The following MEGF10 variants were observed in gnomAD, a reference collection of about 807,000 sequenced individuals.
MEGF10 encodes multiple EGF like domains 10.
Under a neutral mutation model 147.5 loss-of-function variants are expected in MEGF10, and 86 were observed. The ratio of observed to expected loss-of-function variants is 0.58; its 90% CI spans 0.49 to 0.70. The LOEUF is 0.70. Among genes scored for constraint, MEGF10 ranks in the 30% least tolerant of loss-of-function variants. The pLI, the probability that MEGF10 is intolerant of heterozygous loss-of-function variation, is 0.00. For synonymous variants in MEGF10, 478 were observed against 525.5 expected, an observed-to-expected ratio of 0.91 and a Z score of 1.24; for missense variants, 1,329 against 1,487.3, an observed-to-expected ratio of 0.89 and a Z score of 1.75.
At chr5:127,300,321 A>G (rs1759711652) in intron 1 of MEGF10, among the ~76,000 whole-genome samples, 1 of 152,214 alleles carries the variant, frequency 6.6e-6, no homozygotes, top group Non-Finnish European at 1.5e-5. Context: ...ATACTGTGCT[A>G]TCCTTGAAGT....
intron 17 of MEGF10, 49 bp downstream of exon 17, chr5:127,438,616 A>G (rs756490774): frequency 5.0e-6 from 8 of 1,604,072 alleles, no homozygotes; most frequent in Non-Finnish European, 6.8e-6. Flanking sequence ...TTGTCCAAGG[A>G]GGAAACAGCC....
the MEGF10 span, among the ~76,000 whole-genome samples, chr5:127,231,457 C>T: frequency 6.6e-6 from 1 of 152,208 alleles, no homozygotes; most frequent in African/African-American, 2.4e-5. Context: ...TCCATCAGGT[C>T]TCTGCTTAAA....
chr5:127,362,674 G>A (rs924717049), intron 4 of MEGF10, among the ~76,000 whole-genome samples: 8 of 151,992 alleles, frequency 5.3e-5, no homozygotes, highest in Non-Finnish European at 1.0e-4. Context: ...AAATATTTGC[G>A]TTTTTATCAA....
intron 19 of MEGF10, among the ~76,000 whole-genome samples, chr5:127,444,070 A>G (rs2127021810): frequency 6.6e-6 from 1 of 152,320 alleles, no homozygotes. Flanking sequence ...TGTCAGGTAC[A>G]TGGTCCTATT....
chr5:127,413,335 GAGAT>G (rs1270001721), intron 9 of MEGF10, among the ~76,000 whole-genome samples: 1 of 152,142 alleles, frequency 6.6e-6, no homozygotes, highest in Non-Finnish European at 1.5e-5. Flanking sequence ...GCAATATAGA[GAGAT>G]AGATTAACTG....
intron 4 of MEGF10, among the ~76,000 whole-genome samples, chr5:127,357,716 C>A (rs1762329955): frequency 6.6e-6 from 1 of 151,976 alleles, no homozygotes; most frequent in Non-Finnish European, 1.5e-5. Context: ...AGGACCATCA[C>A]TTAGCAGGGG....
chr5:127,363,650 T>C (rs1254805381), intron 4 of MEGF10, among the ~76,000 whole-genome samples: 3 of 152,206 alleles, frequency 2.0e-5, no homozygotes, highest in African/African-American at 7.2e-5. Flanking sequence ...GGTTAGACAT[T>C]GGGTGTACAA....
At chr5:127,333,125 A>T (rs1761330050) in intron 2 of MEGF10, among the ~76,000 whole-genome samples, 1 of 152,160 alleles carries the variant, frequency 6.6e-6, no homozygotes, top group Non-Finnish European at 1.5e-5. Context: ...TCAGTTTAAA[A>T]TATGGGCCTG....
chr5:127,345,205 G>C (rs1761838236), intron 4 of MEGF10, among the ~76,000 whole-genome samples: 1 of 152,162 alleles, frequency 6.6e-6, no homozygotes, highest in Non-Finnish European at 1.5e-5. Flanking sequence ...AAAAACTCTA[G>C]TTTTCTTGTA....
the MEGF10 span, among the ~76,000 whole-genome samples, chr5:127,237,860 C>T: frequency 6.6e-6 from 1 of 151,990 alleles, no homozygotes; most frequent in Non-Finnish European, 1.5e-5. Flanking sequence ...GATGTTTCTA[C>T]CCTATGGTGT....
rs990078985 is a variant in MEGF10 at position 127,461,150 on chromosome 5, T to C, written c.*3832T>C. The C allele has an allele frequency of 6.6e-6, 1 of 152,230 alleles. No individual in the cohort carries two copies. The highest frequency in any genetic ancestry group is 2.4e-5 in the African/African-American group (1 of 41,462). The allele number at this position is 152,230 out of a possible 1,614,324, so 9.4% of individuals were successfully genotyped here. A position where few individuals can be genotyped will look rare whatever the true frequency, so the allele number is the denominator to read the frequency against. The stretch of plus-strand genomic sequence containing the variant: ...TTCCAAAGATGATAAACTTTCATCG[T>C]TCTTAGCCTACATTGTCATTTATAT... On this transcript the variant is annotated 3_prime_UTR_variant, in exon 25 of 25. Transcript: ENST00000503335.
intron 17 of MEGF10, among the ~76,000 whole-genome samples, chr5:127,440,026 C>A (rs1765697158): frequency 6.6e-6 from 1 of 152,152 alleles, no homozygotes; most frequent in South Asian, 2.1e-4. Context: ...ATTGAATCAG[C>A]CTGCATTGAA....
intron 22 of MEGF10, among the ~76,000 whole-genome samples, chr5:127,450,694 T>C (rs1260223972): frequency 6.6e-6 from 1 of 152,194 alleles, no homozygotes; most frequent in Admixed American, 6.5e-5. Flanking sequence ...TTTGTTTCTT[T>C]TAAATTTTAA....
At chr5:127,396,485 GT>G in intron 5 of MEGF10, 46 bp from the exon 6 acceptor site, 1 of 1,480,262 alleles carries the variant, frequency 6.8e-7, no homozygotes. Context: ...AAGAAATCTG[GT>G]TCTCCCTTAC....
intron 21 of MEGF10, among the ~76,000 whole-genome samples, chr5:127,447,967 T>G (rs1444401558): frequency 6.6e-6 from 1 of 152,190 alleles, no homozygotes; most frequent in Non-Finnish European, 1.5e-5. Context: ...CAATCTGTAC[T>G]GTTTCCATTA....
chr5:127,391,357 C>G (rs1763685088), intron 5 of MEGF10, among the ~76,000 whole-genome samples: 1 of 151,974 alleles, frequency 6.6e-6, no homozygotes, highest in Non-Finnish European at 1.5e-5. Context: ...GCGCAGATAG[C>G]TTGAGCTCAG....
intron 2 of MEGF10, among the ~76,000 whole-genome samples, chr5:127,337,260 A>G (rs1761505257): frequency 6.6e-6 from 1 of 152,110 alleles, no homozygotes; most frequent in Non-Finnish European, 1.5e-5. Context: ...AGATTGCTTC[A>G]ACATTTCATG....
intron 12 of MEGF10, among the ~76,000 whole-genome samples, chr5:127,420,910 T>C (rs73783790): frequency 0.032 from 4,909 of 152,312 alleles, 82 homozygotes; most frequent in East Asian, 0.046. Flanking sequence ...GTGGTGTGTG[T>C]TCTCTGCCTC....
At chr5:127,240,335 T>C in the MEGF10 span, among the ~76,000 whole-genome samples, 1 of 152,228 alleles carries the variant, frequency 6.6e-6, no homozygotes, top group African/African-American at 2.4e-5. Flanking sequence ...AACATCCTAG[T>C]TGGAATTATA....
Sources: allele counts gnomAD v4.1 joint callset (sites outside exome capture counted in the v4.1 genomes callset), GRCh38; gene constraint gnomAD v4.1.1; transcripts MANE v1.5; gene names NCBI Gene and HGNC (gene_info 2026-07-23, HGNC 2026-07-21).